The following ZNF510 variants were observed in gnomAD, a reference collection of about 807,000 sequenced individuals.
ZNF510 encodes zinc finger protein 510.
A neutral mutation model predicts 18.1 loss-of-function variants in ZNF510; 15 were observed. The observed-to-expected ratio is 0.83, with a 90% CI of 0.55 to 1.28. The LOEUF (loss-of-function observed/expected upper bound fraction) is 1.28. Ranked by LOEUF, ZNF510 falls within the 50% of genes most tolerant of loss-of-function variation. The pLI is 0.00. For missense variants in ZNF510, 724 were observed against 791.8 expected (o/e 0.91, Z 1.03); for synonymous variants, 261 against 266.4 (o/e 0.98, Z 0.20).
chr9:96,758,520 C>A lies in ZNF510; in HGVS notation c.*258G>T. 2.6e-6 allele frequency: 1 copy of A among 388,120 alleles called. No homozygotes were observed. The allele number at this position is 388,120 out of a possible 1,614,324, so 24.0% of individuals were successfully genotyped here. On this transcript the variant is annotated 3_prime_UTR_variant, in exon 6 of 6. Transcript: ENST00000223428. ...GGAGCTATCTAATAGGGTATGACTT[C>A]ATTCAGGCCTATCCATAGTACTCTG...
At position 96,760,466 on chromosome 9, in the gene ZNF510, C is replaced by T. The variant is rs1241900610; in HGVS notation, c.364G>A (p.Gly122Ser). Residue 122 changes from glycine (G) to serine (S), a missense_variant, in exon 6 of 6, where the codon GGT (glycine) becomes AGT (serine). Physicochemically the swap from Gly to Ser is moderately conservative, Grantham distance 56. Transcript: ENST00000223428. ...SNQSHPKDYR[G>S]DDLIKQNKKI... The stretch of plus-strand genomic sequence containing the variant: ...TTGTTCTGCTTGATCAGGTCATCAC[C>T]TCTGTAATCTTCTAAAACAGAAATA... 6.3e-7 allele frequency: 1 copy of T among 1,593,586 alleles called. No homozygotes were observed. The highest frequency in any genetic ancestry group is 1.8e-5 in the Admixed American group (1 of 56,540).
intron 3 of ZNF510, among the ~76,000 whole-genome samples, chr9:96,773,000 A>G (rs972916961): frequency 6.6e-6 from 1 of 152,240 alleles, no homozygotes; most frequent in Non-Finnish European, 1.5e-5. Context: ...GAAATAAATT[A>G]TGGTCTATTC....
At chr9:96,768,894 GA>G (rs915160328) in intron 3 of ZNF510, among the ~76,000 whole-genome samples, 1 of 151,342 alleles carries the variant, frequency 6.6e-6, no homozygotes, top group African/African-American at 2.4e-5. Flanking sequence ...AGAAAAAAAA[GA>G]AAAAAAATTG....
chr9:96,759,667 G>C lies in ZNF510; in HGVS notation c.1163C>G (p.Thr388Arg). ...TCTTCGGCGAACTCTGTGAACCGAC[G>C]TCTGGTAGGATTTCTTATTTTCATG... ...EYHENKKSYQ[T>R]SVHRVRRRSH... Residue 388 changes from threonine to arginine, a missense_variant, in exon 6 of 6, where the codon ACG becomes AGG. Thr to Arg is a moderately conservative substitution (Grantham distance 71, BLOSUM62 -1). Transcript: ENST00000223428. The C allele has an allele frequency of 3.1e-6, 5 of 1,613,510 alleles. No homozygotes were observed. The highest frequency in any genetic ancestry group is 3.4e-6 in the Non-Finnish European group (4 of 1,179,918).
Position 96,758,007 on chromosome 9 carries a change from C to T in ZNF510, c.*771G>A, listed in dbSNP as rs1849236500. 6.6e-6 allele frequency: 1 copy of T among 152,202 alleles called. No homozygotes were observed. Among genetic ancestry groups the T allele is most frequent in the Admixed American group, 6.5e-5 (1 of 15,288 alleles). The allele number at this position is 152,202 out of a possible 1,614,324, so 9.4% of individuals were successfully genotyped here. A position where few individuals can be genotyped will look rare whatever the true frequency, so the allele number is the denominator to read the frequency against. On this transcript the variant is annotated 3_prime_UTR_variant, in exon 6 of 6. Coordinates refer to ENST00000223428, the MANE Select transcript of ZNF510 (RefSeq NM_014930.3). ...GGGCATGAGACTTCATCCCACTACTCAGAATCGGGTGCAGTTTAAAATGTA... is the reference window on the plus strand; with the variant it reads ...GGGCATGAGACTTCATCCCACTACTTAGAATCGGGTGCAGTTTAAAATGTA...
intron 5 of ZNF510, 177 bp downstream of exon 5, chr9:96,762,941 A>C (rs1849386317): frequency 5.6e-6 from 3 of 538,886 alleles, no homozygotes; most frequent in Non-Finnish European, 1.0e-5. Context: ...ATAATATATT[A>C]ACAAATTTCT....
Position 96,757,872 on chromosome 9 carries a change from G to A in ZNF510, c.*906C>T, listed in dbSNP as rs1281445390. The A allele has an allele frequency of 6.7e-6, 1 of 149,936 alleles. No individual in the cohort carries two copies. The highest frequency in any genetic ancestry group is 1.5e-5 in the Non-Finnish European group (1 of 68,032). The allele number at this position is 149,936 out of a possible 1,614,324, so 9.3% of individuals were successfully genotyped here. ...ATACAAGCACTGTCATACCCTGACAGGTGATCTGATAACTAAAATGTCAAG... is the reference window on the plus strand; with the variant it reads ...ATACAAGCACTGTCATACCCTGACAAGTGATCTGATAACTAAAATGTCAAG... On this transcript the variant is annotated 3_prime_UTR_variant, in exon 6 of 6. Transcript: ENST00000223428.
intron 3 of ZNF510, among the ~76,000 whole-genome samples, chr9:96,774,018 C>G (rs1849638557): frequency 6.6e-6 from 1 of 152,232 alleles, no homozygotes; most frequent in Admixed American, 6.5e-5. Context: ...CCCTAGCAAA[C>G]TAATACTAAG....
At chr9:96,771,286 G>A (rs1422581191) in intron 3 of ZNF510, among the ~76,000 whole-genome samples, 1 of 151,966 alleles carries the variant, frequency 6.6e-6, no homozygotes, top group Non-Finnish European at 1.5e-5. Context: ...TACCTTATGT[G>A]GGAATTATCC....
rs918105826 is a variant in ZNF510, at chr9:96,754,959, C to T, written c.*3819G>A. On this transcript the variant is annotated 3_prime_UTR_variant, in exon 6 of 6. Transcript: ENST00000223428. ...CAGAGTCTCTAGATGAGGCATCCAT[C>T]TGCTAGAGTAAAAGACCATGAGTTG... 6.6e-6 allele frequency among the ~76,000 whole-genome samples: 1 copy of T among 152,202 alleles called. No homozygotes were observed. Among genetic ancestry groups the T allele is most frequent in the Admixed American group, 6.5e-5 (1 of 15,278 alleles).
Position 96,759,966 on chromosome 9 carries a change from C to T in ZNF510, c.864G>A (p.Arg288=). 1 of 1,613,220 alleles carries T rather than the reference C, an allele frequency of 6.2e-7. No homozygotes were observed. ...AGAGAGTTTTCTTATCACAATTTTT[C>T]CTAAATTCATCATCTTTAGAGGATG... ...GETSSKDDEF[R]KNCDKKTLFD... is the part of the protein sequence containing the mutation. The change falls in exon 6 of 6, where the codon AGG becomes AGA. Residue 288 remains arginine (R), a synonymous_variant. Coordinates refer to ENST00000223428, the MANE Select transcript of ZNF510 (RefSeq NM_014930.3).
chr9:96,760,801 CAG>C (rs1242403460), intron 5 of ZNF510, among the ~76,000 whole-genome samples: 1 of 151,402 alleles, frequency 6.6e-6, no homozygotes, highest in African/African-American at 2.4e-5. Flanking sequence ...GCAGGAAAAA[CAG>C]AGAATGGGAT....
chr9:96,764,049 A>G (rs1849414732), intron 3 of ZNF510, among the ~76,000 whole-genome samples: 1 of 152,226 alleles, frequency 6.6e-6, no homozygotes, highest in South Asian at 2.1e-4. Flanking sequence ...ATGAGCCATG[A>G]TCACACCACT....
intron 3 of ZNF510, among the ~76,000 whole-genome samples, chr9:96,773,056 C>T (rs531718251): frequency 6.6e-6 from 1 of 152,278 alleles, no homozygotes; most frequent in East Asian, 1.9e-4. Flanking sequence ...TATTAAGATA[C>T]AGAGCAAAAC....
Position 96,757,862 on chromosome 9 carries a change from T to A in ZNF510, c.*916A>T, listed in dbSNP as rs1199175653. The A allele has an allele frequency of 6.6e-6, 1 of 150,532 alleles. No homozygotes were observed. The highest frequency in any genetic ancestry group is 2.5e-5 in the African/African-American group (1 of 39,812). The allele number at this position is 150,532 out of a possible 1,614,324, so 9.3% of individuals were successfully genotyped here. A position where few individuals can be genotyped will look rare whatever the true frequency, so the allele number is the denominator to read the frequency against. On this transcript the variant is annotated 3_prime_UTR_variant, in exon 6 of 6. Transcript: ENST00000223428. Reference sequence around the variant, plus strand: ...GGTTACTTGAATACAAGCACTGTCATACCCTGACAGGTGATCTGATAACTA... The same window carrying A: ...GGTTACTTGAATACAAGCACTGTCAAACCCTGACAGGTGATCTGATAACTA...
intron 3 of ZNF510, among the ~76,000 whole-genome samples, chr9:96,771,421 T>C (rs904197993): frequency 6.8e-6 from 1 of 146,286 alleles, no homozygotes; most frequent in African/African-American, 2.7e-5. Context: ...GACAAAATAC[T>C]CATGCATGAT....
At chr9:96,769,035 T>C (rs11999835) in intron 3 of ZNF510, among the ~76,000 whole-genome samples, 1,571 of 152,220 alleles carry the variant, frequency 0.01, 29 homozygotes, top group African/African-American at 0.035. Flanking sequence ...AACCCATACA[T>C]TGGCCATTTA....
intron 3 of ZNF510, among the ~76,000 whole-genome samples, chr9:96,768,277 CAAG>C (rs142305090): frequency 0.045 from 6,879 of 152,168 alleles, 432 homozygotes; most frequent in African/African-American, 0.14. Context: ...GGCTAAAAAA[CAAG>C]AAGGTTTCTT....
At chr9:96,760,988 C>A (rs950512870) in intron 5 of ZNF510, among the ~76,000 whole-genome samples, 2 of 152,114 alleles carry the variant, frequency 1.3e-5, no homozygotes, top group Non-Finnish European at 2.9e-5. Context: ...TACATTCTTA[C>A]AATTTGATAT....
Sources: gnomAD v4.1 joint callset for allele counts (sites outside exome capture counted in the v4.1 genomes callset) on GRCh38, gnomAD v4.1.1 for gene constraint, MANE v1.5 for transcripts, NCBI Gene and HGNC (gene_info 2026-07-23, HGNC 2026-07-21) for gene names.